Variants in DIS3L2 observed in about 807,000 individuals in gnomAD.
DIS3L2 encodes the protein DIS3-like exonuclease 2.
Under a neutral mutation model 97.5 loss-of-function variants are expected in DIS3L2, and 34 were observed. That is an observed-to-expected ratio of 0.35 (90% CI 0.27 to 0.46). DIS3L2 has a LOEUF of 0.46. Ranked by LOEUF, DIS3L2 falls within the 20% of genes least tolerant of loss-of-function variation. The pLI is 1.00. For synonymous variants in DIS3L2, 435 were observed against 445.2 expected, an observed-to-expected ratio of 0.98 and a Z score of 0.29; for missense variants, 1,038 against 1,146.0, an observed-to-expected ratio of 0.91 and a Z score of 1.36.
rs555133382 is a variant in DIS3L2 at position 231,992,796 on chromosome 2, T to C, written c.-93-22039T>C. On this transcript the variant is annotated intron_variant, in intron 1 of 20. Coordinates refer to ENST00000325385, the MANE Select transcript of DIS3L2 (RefSeq NM_152383.5). ...TCCCTGCTGCCAAGCCTCCAGGAAGTAGAGAAAAGACATTTTCTTGACATC... is the reference window on the plus strand; with the variant it reads ...TCCCTGCTGCCAAGCCTCCAGGAAGCAGAGAAAAGACATTTTCTTGACATC... 1.4e-4 allele frequency among the ~76,000 whole-genome samples: 22 copies of C among 152,256 alleles called. No homozygotes were observed. In the South Asian group the frequency reaches 4.6e-3, roughly 32 times the overall value.
At position 232,037,653 on chromosome 2, in the gene DIS3L2, G is replaced by A. The variant is rs544403598; in HGVS notation, c.366+7573G>A. On this transcript the variant is annotated intron_variant, in intron 5 of 20. Coordinates refer to ENST00000325385, the MANE Select transcript of DIS3L2 (RefSeq NM_152383.5). This position sits in a 1 kb window ranked among gnomAD's most constrained non-coding sequence, Gnocchi z 4.6. ...CCCAGTTTTGTACTTGAAACCCAGGGCCCTTGTGGTATAGGCACCCGAGGG... is the reference window on the plus strand; with the variant it reads ...CCCAGTTTTGTACTTGAAACCCAGGACCCTTGTGGTATAGGCACCCGAGGG... 6.5e-4 allele frequency among the ~76,000 whole-genome samples: 99 copies of A among 152,290 alleles called. No individual in the cohort carries two copies. The highest frequency in any genetic ancestry group is 2.1e-3 in the African/African-American group (89 of 41,566).
At chr2:232,024,237 T>G (rs1694596033) in intron 3 of DIS3L2, 40 bp from the exon 4 acceptor site, 1 of 1,452,400 alleles carries the variant, frequency 6.9e-7, no homozygotes, top group Admixed American at 2.1e-5. Context: ...ATCGTAAATA[T>G]ATAGCTAGAT....
chr2:232,074,709 C>T (rs1409661772), intron 5 of DIS3L2, among the ~76,000 whole-genome samples: 4 of 151,822 alleles, frequency 2.6e-5, no homozygotes, highest in African/African-American at 9.7e-5. Flanking sequence ...CTCAGCCTCC[C>T]GAGTAGCTGG....
chr2:232,223,655 G>C (rs554426935), intron 10 of DIS3L2, among the ~76,000 whole-genome samples: 1 of 152,310 alleles, frequency 6.6e-6, no homozygotes, highest in African/African-American at 2.4e-5. Context: ...TTACCTCAAT[G>C]TTCCCTGACA....
At chr2:232,067,299 A>G (rs1695878043) in intron 5 of DIS3L2, among the ~76,000 whole-genome samples, 1 of 152,196 alleles carries the variant, frequency 6.6e-6, no homozygotes, top group Non-Finnish European at 1.5e-5. Context: ...TCTAGACGCT[A>G]CTTTACATGC....
chr2:232,343,715 A>AC, exon 14 of DIS3L2: 1 of 890,730 alleles, frequency 1.1e-6, no homozygotes, highest in Non-Finnish European at 1.7e-6. Flanking sequence ...TGGAAAAGTC[A>AC]GAGTTACGGA....
At chr2:232,219,831 T>G (rs1692443371) in intron 10 of DIS3L2, among the ~76,000 whole-genome samples, 1 of 152,188 alleles carries the variant, frequency 6.6e-6, no homozygotes. Context: ...ATTTTCAAAT[T>G]CAATAAGTGC....
At chr2:232,340,854 C>T (rs963536978), downstream of DIS3L2, 2 of 471,488 alleles carry the variant, frequency 4.2e-6, no homozygotes, top group Non-Finnish European at 8.8e-6. Flanking sequence ...CCTATCCGTG[C>T]ACAGCCAGGG....
chr2:232,338,232 C>T (rs888390101), downstream of DIS3L2, among the ~76,000 whole-genome samples: 12 of 152,204 alleles, frequency 7.9e-5, no homozygotes, highest in Non-Finnish European at 1.3e-4. Flanking sequence ...CTGGGCTTCT[C>T]GGGCCAGGCT....
At chr2:232,141,905 A>C (rs1284065763) in intron 8 of DIS3L2, among the ~76,000 whole-genome samples, 2 of 152,234 alleles carry the variant, frequency 1.3e-5, no homozygotes, top group African/African-American at 2.4e-5. Context: ...CATTAAATAC[A>C]TTGAATTGTA....
chr2:232,211,430 A>G (rs1241663092), intron 10 of DIS3L2, among the ~76,000 whole-genome samples: 1 of 152,172 alleles, frequency 6.6e-6, no homozygotes, highest in African/African-American at 2.4e-5. Context: ...ACAGGCGTCA[A>G]CCACCATGCC....
chr2:232,285,529 G>A (rs1470178342), intron 13 of DIS3L2, among the ~76,000 whole-genome samples: 2 of 152,214 alleles, frequency 1.3e-5, no homozygotes, highest in African/African-American at 2.4e-5. Flanking sequence ...ATCTAGAGAA[G>A]GGGAAAGGTA....
intron 14 of DIS3L2, among the ~76,000 whole-genome samples, chr2:232,319,297 G>A (rs1025866861): frequency 1.3e-5 from 2 of 152,222 alleles, no homozygotes; most frequent in Non-Finnish European, 2.9e-5. Flanking sequence ...GTATAAGCAT[G>A]TCCTGGTGAA....
intron 4 of DIS3L2, among the ~76,000 whole-genome samples, chr2:232,025,855 T>C (rs1694642085): frequency 6.6e-6 from 1 of 152,196 alleles, no homozygotes; most frequent in South Asian, 2.1e-4. Context: ...CATGACTGTT[T>C]CTTCAAGAAT....
chr2:232,099,778 C>G (rs1177969932), intron 6 of DIS3L2, among the ~76,000 whole-genome samples: 1 of 152,162 alleles, frequency 6.6e-6, no homozygotes, highest in African/African-American at 2.4e-5. Flanking sequence ...TTCAGATTCT[C>G]TATCAGTTCT....
intron 1 of DIS3L2, among the ~76,000 whole-genome samples, chr2:232,012,141 A>G (rs1694218092): frequency 6.6e-6 from 1 of 152,126 alleles, no homozygotes; most frequent in Non-Finnish European, 1.5e-5. Context: ...GTTTCCTGGT[A>G]TGACCCTGCT....
chr2:232,094,247 T>G (rs1302115951), intron 6 of DIS3L2, among the ~76,000 whole-genome samples: 2 of 152,214 alleles, frequency 1.3e-5, no homozygotes, highest in Non-Finnish European at 2.9e-5. Flanking sequence ...ATATGGTCTG[T>G]CCTTGAGAAT....
intron 14 of DIS3L2, among the ~76,000 whole-genome samples, chr2:232,309,153 G>A (rs1340468789): frequency 6.6e-6 from 1 of 152,210 alleles, no homozygotes; most frequent in South Asian, 2.1e-4. Context: ...TCTTTGAGCA[G>A]CTGAGCCACA....
chr2:232,329,760 C>T (rs1454146706), intron 14 of DIS3L2, 53 bp from the exon 15 acceptor site: 12 of 1,423,924 alleles, frequency 8.4e-6, no homozygotes, highest in African/African-American at 4.4e-5. Flanking sequence ...GGAAAGCCTG[C>T]GCACCTGTCC....
Sources: allele counts gnomAD v4.1 joint callset (sites outside exome capture counted in the v4.1 genomes callset), GRCh38; gene constraint gnomAD v4.1.1; non-coding constraint Gnocchi (gnomAD v3.1); transcripts MANE v1.5; gene names NCBI Gene and HGNC (gene_info 2026-07-23, HGNC 2026-07-21).